Variants in RAB38 observed in about 807,000 individuals in gnomAD.
The protein encoded by RAB38 is RAB38, member RAS oncogene family, also known as ras-related protein Rab-38.
A neutral mutation model predicts 18.4 loss-of-function variants in RAB38; 15 were observed. That is an observed-to-expected ratio of 0.82 (90% confidence interval 0.55 to 1.26). The LOEUF (loss-of-function observed/expected upper bound fraction) is 1.26, where lower values mean the gene tolerates loss of function less well. Ranked by LOEUF, RAB38 falls within the 50% of genes most tolerant of loss-of-function variation. The pLI is 0.00. For missense variants in RAB38, 294 were observed against 267.4 expected (o/e 1.10, Z -0.69); for synonymous variants, 101 against 104.4 (o/e 0.97, Z 0.20).
chr11:88,088,041 T>C, the RAB38 span, among the ~76,000 whole-genome samples: 1 of 151,822 alleles, frequency 6.6e-6, no homozygotes, highest in African/African-American at 2.4e-5. Flanking sequence ...TGCCTAGCAT[T>C]GGAGGTGTGT....
the RAB38 span, among the ~76,000 whole-genome samples, chr11:88,081,620 C>G: frequency 6.6e-6 from 1 of 151,858 alleles, no homozygotes; most frequent in African/African-American, 2.4e-5. Context: ...AGCCTTCTCC[C>G]CTCTGTGTCG....
At chr11:87,803,920 T>C in the RAB38 span, among the ~76,000 whole-genome samples, 1 of 152,356 alleles carries the variant, frequency 6.6e-6, no homozygotes, top group African/African-American at 2.4e-5. Flanking sequence ...TGCCCTGCCC[T>C]TGAGAGCCAT....
At chr11:88,079,008 T>C in the RAB38 span, among the ~76,000 whole-genome samples, 23,681 of 151,712 alleles carry the variant, frequency 0.16, 3,093 homozygotes, top group African/African-American at 0.34. Flanking sequence ...TGTACATCTA[T>C]TATGTATCAA....
the RAB38 span, among the ~76,000 whole-genome samples, chr11:87,817,812 G>A: frequency 6.6e-6 from 1 of 152,118 alleles, no homozygotes; most frequent in South Asian, 2.1e-4. Context: ...TTCCACACAA[G>A]AGGAAATTAT....
the RAB38 span, among the ~76,000 whole-genome samples, chr11:87,879,251 C>A: frequency 6.6e-6 from 1 of 151,416 alleles, no homozygotes. Flanking sequence ...TGTATACACT[C>A]ATAAATATTT....
chr11:87,930,014 G>T, the RAB38 span, among the ~76,000 whole-genome samples: 6 of 151,922 alleles, frequency 3.9e-5, no homozygotes, highest in South Asian at 1.0e-3. Context: ...GAATAGTGCC[G>T]CAATAAACAT....
chr11:87,940,028 A>G, the RAB38 span, among the ~76,000 whole-genome samples: 1 of 152,088 alleles, frequency 6.6e-6, no homozygotes, highest in Admixed American at 6.6e-5. Context: ...ATAAATTGAA[A>G]AACCAGAAAA....
the RAB38 span, among the ~76,000 whole-genome samples, chr11:88,044,921 G>C: frequency 6.6e-6 from 1 of 151,936 alleles, no homozygotes; most frequent in Non-Finnish European, 1.5e-5. Flanking sequence ...CTCACACCCG[G>C]TCTGGCTTAC....
At chr11:88,064,927 GA>G in the RAB38 span, among the ~76,000 whole-genome samples, 2 of 152,066 alleles carry the variant, frequency 1.3e-5, no homozygotes, top group Non-Finnish European at 2.9e-5. Flanking sequence ...ACAATCTTGT[GA>G]AAAAAATCTT....
chr11:88,088,934 T>A, the RAB38 span, among the ~76,000 whole-genome samples: 1 of 119,694 alleles, frequency 8.4e-6, no homozygotes, highest in African/African-American at 3.3e-5. Flanking sequence ...GGAGAAAAAC[T>A]CACAGGAGCT....
At chr11:87,931,954 G>A in the RAB38 span, among the ~76,000 whole-genome samples, 1 of 151,900 alleles carries the variant, frequency 6.6e-6, no homozygotes, top group Middle Eastern at 3.2e-3. Context: ...GGGGTGGGGT[G>A]GTGAGGGAGA....
At chr11:88,121,896 A>G (rs1942635305) in intron 2 of RAB38, among the ~76,000 whole-genome samples, 1 of 152,326 alleles carries the variant, frequency 6.6e-6, no homozygotes, top group South Asian at 2.1e-4. Context: ...CTCCCTATAA[A>G]TGTCTATTGA....
the RAB38 span, among the ~76,000 whole-genome samples, chr11:88,105,738 C>T: frequency 3.3e-5 from 5 of 152,136 alleles, no homozygotes; most frequent in Admixed American, 6.6e-5. Context: ...CACAAGCACA[C>T]CTCTAGACCT....
the RAB38 span, among the ~76,000 whole-genome samples, chr11:88,058,142 A>G: frequency 2.0e-5 from 3 of 152,210 alleles, no homozygotes; most frequent in Non-Finnish European, 2.9e-5. Context: ...AAAACCAGAG[A>G]ATCATTTCTC....
chr11:87,850,714 CCACACACACACA>C, the RAB38 span, among the ~76,000 whole-genome samples: 19 of 146,516 alleles, frequency 1.3e-4, no homozygotes, highest in African/African-American at 4.2e-4. Flanking sequence ...CACAACACTG[CCACACACACACA>C]CACACACACA....
intron 2 of RAB38, among the ~76,000 whole-genome samples, chr11:88,127,960 A>T (rs1439934126): frequency 1.3e-5 from 2 of 152,264 alleles, no homozygotes; most frequent in African/African-American, 4.8e-5. Flanking sequence ...CAGTTATCAT[A>T]GAGCCTGTTG....
the RAB38 span, among the ~76,000 whole-genome samples, chr11:88,019,221 G>A: frequency 1.3e-5 from 2 of 151,974 alleles, no homozygotes; most frequent in African/African-American, 4.8e-5. Context: ...CCACAAACCT[G>A]CTCCATCCCT....
At chr11:88,148,325 T>C (rs1482018490) in intron 2 of RAB38, among the ~76,000 whole-genome samples, 1 of 152,204 alleles carries the variant, frequency 6.6e-6, no homozygotes, top group Non-Finnish European at 1.5e-5. Flanking sequence ...GCCCTTTTCT[T>C]CCTCTCCATC....
At chr11:87,873,138 A>G in the RAB38 span, among the ~76,000 whole-genome samples, 80 of 151,710 alleles carry the variant, frequency 5.3e-4, no homozygotes, top group African/African-American at 1.9e-3. Context: ...AATTTTTGAC[A>G]GTCTAACAGG....
Sources: allele counts gnomAD v4.1 joint callset (sites outside exome capture counted in the v4.1 genomes callset), GRCh38; gene constraint gnomAD v4.1.1; transcripts MANE v1.5; gene names NCBI Gene and HGNC (gene_info 2026-07-23, HGNC 2026-07-21).